The following ARHGAP22 variants were observed in gnomAD, a reference collection of about 807,000 sequenced individuals.
ARHGAP22 encodes the protein rho GTPase-activating protein 22.
Under a neutral mutation model 59.1 loss-of-function variants are expected in ARHGAP22, and 48 were observed. The observed-to-expected ratio is 0.81, with a 90% CI of 0.64 to 1.03. The LOEUF (loss-of-function observed/expected upper bound fraction) is 1.03. Among genes scored for constraint, ARHGAP22 ranks in the 50% least tolerant of loss-of-function variants. The pLI, the probability that ARHGAP22 is intolerant of heterozygous loss-of-function variation, is 0.00. For synonymous variants in ARHGAP22, 445 were observed against 416.4 expected, an observed-to-expected ratio of 1.07 and a Z score of -0.84; for missense variants, 1,015 against 958.7, an observed-to-expected ratio of 1.06 and a Z score of -0.78.
chr10:48,610,293 C>T (rs185416685), intron 1 of ARHGAP22, among the ~76,000 whole-genome samples: 28 of 152,258 alleles, frequency 1.8e-4, no homozygotes, highest in Admixed American at 1.4e-3. Flanking sequence ...AGGACAAAGA[C>T]GCAGAATTAG....
At chr10:48,471,781 G>A (rs1471115638) in intron 4 of ARHGAP22, among the ~76,000 whole-genome samples, 1 of 152,186 alleles carries the variant, frequency 6.6e-6, no homozygotes, top group African/African-American at 2.4e-5. Context: ...CTCTTGCCTG[G>A]ATTATTGCAA....
rs186074972 is a variant in ARHGAP22, at chr10:48,501,217, A to G, written c.323-21453T>C. Among the ~76,000 whole-genome samples the G allele has an allele frequency of 9.0e-4, 137 of 152,382 alleles. No homozygotes were observed. The Middle Eastern group carries it at 0.014, about 15-fold the overall frequency. On this transcript the variant is annotated intron_variant, in intron 3 of 9. Transcript: ENST00000249601. ...GTATCTCTGGACAGAGAAAGAGAACAGTGGCTTTTTCTGGGGATGAAGGTG... is the reference window on the plus strand; with the variant it reads ...GTATCTCTGGACAGAGAAAGAGAACGGTGGCTTTTTCTGGGGATGAAGGTG...
intron 4 of ARHGAP22, among the ~76,000 whole-genome samples, chr10:48,472,161 T>C (rs947887992): frequency 1.1e-4 from 16 of 151,044 alleles, no homozygotes; most frequent in African/African-American, 3.9e-4. Flanking sequence ...TGAGCCCAGA[T>C]AGCATCACTG....
At chr10:48,479,456 C>A in intron 4 of ARHGAP22, 180 bp downstream of exon 4, 1 of 1,095,598 alleles carries the variant, frequency 9.1e-7, no homozygotes, top group South Asian at 1.6e-5. Context: ...AGTGAGTACA[C>A]GGCAGCCGTT....
intron 5 of ARHGAP22, among the ~76,000 whole-genome samples, chr10:48,456,122 T>C (rs988456210): frequency 1.6e-4 from 24 of 152,208 alleles, no homozygotes; most frequent in Non-Finnish European, 2.6e-4. Flanking sequence ...AAGCCGTATA[T>C]GGGCCCCAGG....
At chr10:48,636,797 G>A (rs1470940629) in intron 1 of ARHGAP22, among the ~76,000 whole-genome samples, 1 of 152,242 alleles carries the variant, frequency 6.6e-6, no homozygotes, top group Non-Finnish European at 1.5e-5. Context: ...CCCAGACCTT[G>A]AGTGGCATGC....
chr10:48,616,348 A>G (rs1272546345), intron 1 of ARHGAP22, among the ~76,000 whole-genome samples: 4 of 152,158 alleles, frequency 2.6e-5, no homozygotes, highest in Non-Finnish European at 5.9e-5. Context: ...CTGGAATTGA[A>G]CCTGCAATGT....
At chr10:48,511,146 T>G (rs533666155) in intron 3 of ARHGAP22, among the ~76,000 whole-genome samples, 30 of 152,284 alleles carry the variant, frequency 2.0e-4, no homozygotes, top group South Asian at 1.2e-3. Flanking sequence ...AGTTAGAAGG[T>G]GCTGGTGTCT....
At chr10:48,497,887 G>A (rs1279195496) in intron 3 of ARHGAP22, among the ~76,000 whole-genome samples, 2 of 152,186 alleles carry the variant, frequency 1.3e-5, no homozygotes, top group Admixed American at 1.3e-4. Flanking sequence ...GTAGGAGAAG[G>A]GGGCCATTCC....
At chr10:48,615,379 T>C (rs902763579) in intron 1 of ARHGAP22, among the ~76,000 whole-genome samples, 10 of 152,140 alleles carry the variant, frequency 6.6e-5, no homozygotes, top group African/African-American at 2.4e-4. Context: ...TGACCACAGA[T>C]GATAAAGAAT....
chr10:48,632,824 A>C (rs2061674070), intron 1 of ARHGAP22, among the ~76,000 whole-genome samples: 1 of 152,226 alleles, frequency 6.6e-6, no homozygotes. Flanking sequence ...ATTGATTTTA[A>C]GTTTGCACAG....
intron 3 of ARHGAP22, among the ~76,000 whole-genome samples, chr10:48,499,273 G>C (rs2051268430): frequency 6.6e-6 from 1 of 152,242 alleles, no homozygotes; most frequent in African/African-American, 2.4e-5. Flanking sequence ...GGTACAGATG[G>C]CGTGAGAGCC....
intron 1 of ARHGAP22, among the ~76,000 whole-genome samples, chr10:48,631,075 A>G (rs950808094): frequency 1.3e-5 from 2 of 152,222 alleles, no homozygotes; most frequent in East Asian, 1.9e-4. Context: ...GTGGTGGGTT[A>G]CCACATTGTT....
intron 2 of ARHGAP22, among the ~76,000 whole-genome samples, chr10:48,562,288 T>G (rs573343268): frequency 2.8e-4 from 12 of 42,212 alleles, no homozygotes; most frequent in African/African-American, 1.2e-3. Flanking sequence ...ATTCCGCTCC[T>G]ACATATACCC....
intron 8 of ARHGAP22, among the ~76,000 whole-genome samples, chr10:48,452,894 G>T (rs1042297890): frequency 6.6e-6 from 1 of 152,200 alleles, no homozygotes; most frequent in Admixed American, 6.5e-5. Context: ...ATTTATCATA[G>T]AGAAATTCTC....
chr10:48,583,315 G>T (rs41281993), intron 1 of ARHGAP22, among the ~76,000 whole-genome samples, 163 bp from the exon 2 acceptor site: 11,628 of 152,320 alleles, frequency 0.076, 483 homozygotes, highest in Middle Eastern at 0.11. Context: ...AAGGGGCATG[G>T]GTTGGAGCAT....
chr10:48,531,706 T>C (rs145915130), intron 3 of ARHGAP22, among the ~76,000 whole-genome samples: 2 of 152,190 alleles, frequency 1.3e-5, no homozygotes, highest in Non-Finnish European at 2.9e-5. Flanking sequence ...AGTGAAGTCA[T>C]TTGCACAAGG....
At chr10:48,538,312 T>C (rs1015331626) in intron 3 of ARHGAP22, among the ~76,000 whole-genome samples, 1 of 152,134 alleles carries the variant, frequency 6.6e-6, no homozygotes, top group African/African-American at 2.4e-5. Context: ...ACACCAACCA[T>C]TGGATTTGGG....
chr10:48,552,915 A>G (rs2057012534), intron 3 of ARHGAP22, among the ~76,000 whole-genome samples: 1 of 152,346 alleles, frequency 6.6e-6, no homozygotes, highest in East Asian at 1.9e-4. Context: ...CTGACCTGGG[A>G]GGGTCCAGGC....
Sources: allele counts gnomAD v4.1 joint callset (sites outside exome capture counted in the v4.1 genomes callset), GRCh38; gene constraint gnomAD v4.1.1; transcripts MANE v1.5; gene names NCBI Gene and HGNC (gene_info 2026-07-23, HGNC 2026-07-21).